GRM7: variants seen among roughly 807,000 people sequenced by gnomAD.
GRM7 encodes the protein glutamate metabotropic receptor 7.
In GRM7, 35 loss-of-function variants were observed where a neutral mutation model predicts 84.5. That is an observed-to-expected ratio of 0.41 (90% CI 0.32 to 0.55). The LOEUF is 0.55. Among genes scored for constraint, GRM7 ranks in the 20% least tolerant of loss-of-function variants. The pLI, the probability that GRM7 is intolerant of heterozygous loss-of-function variation, is 0.19. For missense variants in GRM7, 1,003 were observed against 1,194.6 expected (o/e 0.84, Z 2.36); for synonymous variants, 487 against 455.1 (o/e 1.07, Z -0.89).
At chr3:7,581,666 TAACA>T (rs1388190231) in intron 8 of GRM7, among the ~76,000 whole-genome samples, 1 of 152,182 alleles carries the variant, frequency 6.6e-6, no homozygotes, top group Non-Finnish European at 1.5e-5. Context: ...TGTTTAGCTC[TAACA>T]AACAGTTTAA....
chr3:7,631,910 A>T (rs1697875543), intron 8 of GRM7, among the ~76,000 whole-genome samples: 2 of 152,218 alleles, frequency 1.3e-5, no homozygotes, highest in South Asian at 4.1e-4. Context: ...CACTAGGGAA[A>T]CAAGAAAATA....
chr3:7,576,186 G>A (rs1694952989), intron 7 of GRM7, among the ~76,000 whole-genome samples: 1 of 152,146 alleles, frequency 6.6e-6, no homozygotes, highest in African/African-American at 2.4e-5. Flanking sequence ...CTTGAAATTT[G>A]ACATTTGTAA....
chr3:7,199,099 C>T (rs560622764), intron 2 of GRM7, among the ~76,000 whole-genome samples: 29 of 152,202 alleles, frequency 1.9e-4, no homozygotes, highest in African/African-American at 6.0e-4. Flanking sequence ...TCCATTGATC[C>T]GCTCCTTAAA....
chr3:7,423,010 G>A (rs1212874076), intron 5 of GRM7, among the ~76,000 whole-genome samples: 4 of 152,082 alleles, frequency 2.6e-5, no homozygotes, highest in Non-Finnish European at 4.4e-5. Flanking sequence ...ATGCCCAAGT[G>A]GAGGCTGAAT....
At chr3:7,658,117 G>A (rs1699281589) in intron 8 of GRM7, among the ~76,000 whole-genome samples, 1 of 152,208 alleles carries the variant, frequency 6.6e-6, no homozygotes. Context: ...CCTTATGGCT[G>A]CATGGAGGAA....
Position 7,559,754 on chromosome 3 carries a change from T to C in GRM7, c.1516-18668T>C, listed in dbSNP as rs79423106. Among the ~76,000 whole-genome samples, 845 of 152,246 alleles carry C rather than the reference T, an allele frequency of 5.6e-3. 6 individuals are homozygous for C. Among genetic ancestry groups the C allele is most frequent in the African/African-American group, 0.019 (796 of 41,552 alleles). On this transcript the variant is annotated intron_variant, in intron 7 of 9. Transcript: ENST00000357716. ...ATCAGCTAGGGCTGCCATAACAGAA[T>C]ACCTCCGACTGGGTGACTTAAACCC...
chr3:7,574,002 C>T (rs1047148086), intron 7 of GRM7, among the ~76,000 whole-genome samples: 1 of 152,088 alleles, frequency 6.6e-6, no homozygotes, highest in Non-Finnish European at 1.5e-5. Flanking sequence ...GCTCAAAATT[C>T]CAGGGTAGAG....
chr3:7,327,576 A>C (rs1051586341), intron 4 of GRM7, among the ~76,000 whole-genome samples: 1 of 152,190 alleles, frequency 6.6e-6, no homozygotes, highest in Non-Finnish European at 1.5e-5. Flanking sequence ...GTGCAAAATT[A>C]TCTTTCCACA....
chr3:7,381,393 A>G (rs1050211382), intron 4 of GRM7, among the ~76,000 whole-genome samples: 1 of 152,106 alleles, frequency 6.6e-6, no homozygotes, highest in African/African-American at 2.4e-5. Context: ...ATTAAGTCCT[A>G]TATCATGTGC....
At position 7,465,828 on chromosome 3, in the gene GRM7, G is replaced by C. The variant is rs186370165; in HGVS notation, c.1515+4106G>C. On this transcript the variant is annotated intron_variant, in intron 7 of 9. Coordinates refer to ENST00000357716, the MANE Select transcript of GRM7 (RefSeq NM_000844.4). ...AGAGTTTTAGGTTTTTAGAATCCCA[G>C]CTCTGTAGATCAGACTGCTCTGCTG... is the stretch of plus-strand genomic sequence containing the variant. Among the ~76,000 whole-genome samples, 563 of 152,166 alleles carry C rather than the reference G, an allele frequency of 3.7e-3. 4 individuals carry two copies. The highest frequency in any genetic ancestry group is 6.1e-3 in the Non-Finnish European group (413 of 67,990).
intron 2 of GRM7, among the ~76,000 whole-genome samples, chr3:7,229,746 TATATATATA>T (rs1697112569): frequency 2.5e-5 from 1 of 40,480 alleles, no homozygotes; most frequent in African/African-American, 6.6e-5. Context: ...TATATATATA[TATATATATA>T]TATATTTTTT....
intron 1 of GRM7, among the ~76,000 whole-genome samples, chr3:7,063,951 G>A (rs1057351517): frequency 1.3e-5 from 2 of 151,670 alleles, no homozygotes; most frequent in African/African-American, 4.8e-5. Flanking sequence ...AATTTAATTC[G>A]TGTAGAGCAA....
chr3:7,332,641 C>G (rs888748337), intron 4 of GRM7, among the ~76,000 whole-genome samples: 2 of 152,140 alleles, frequency 1.3e-5, no homozygotes, highest in African/African-American at 4.8e-5. Context: ...GCAGCTCCCA[C>G]TTAGATGAAC....
intron 7 of GRM7, among the ~76,000 whole-genome samples, chr3:7,480,254 T>A (rs1356050577): frequency 6.6e-6 from 1 of 152,194 alleles, no homozygotes; most frequent in Non-Finnish European, 1.5e-5. Flanking sequence ...AGTTGGGGAC[T>A]TCCTTCTCTC....
chr3:7,262,948 A>T (rs55975696), intron 2 of GRM7, among the ~76,000 whole-genome samples: 152,322 of 152,330 alleles, frequency 1, 76,157 homozygotes, highest in Middle Eastern at 1. Context: ...TCCACCCACC[A>T]TGCCTCTCAA....
intron 1 of GRM7, among the ~76,000 whole-genome samples, chr3:7,000,878 A>G (rs1300911678): frequency 2.6e-5 from 4 of 152,212 alleles, no homozygotes; most frequent in Non-Finnish European, 4.4e-5. Context: ...AGAGCCAGAC[A>G]ATGGGACAGA....
At chr3:7,250,036 G>A (rs1228404340) in intron 2 of GRM7, among the ~76,000 whole-genome samples, 3 of 152,154 alleles carry the variant, frequency 2.0e-5, no homozygotes, top group African/African-American at 2.4e-5. Flanking sequence ...TTAGTCGCAC[G>A]GTCCCCGCCC....
intron 2 of GRM7, among the ~76,000 whole-genome samples, chr3:7,270,117 A>T (rs944560495): frequency 6.6e-6 from 1 of 152,338 alleles, no homozygotes; most frequent in East Asian, 1.9e-4. Context: ...TTCTCTTGGG[A>T]TGCTGATGCT....
At chr3:7,326,094 G>A (rs774956484) in intron 4 of GRM7, among the ~76,000 whole-genome samples, 1 of 127,200 alleles carries the variant, frequency 7.9e-6, no homozygotes, top group Non-Finnish European at 1.6e-5. Context: ...TTGGCAAAGT[G>A]AAAAGAGCTT....
Sources: allele counts gnomAD v4.1 joint callset (sites outside exome capture counted in the v4.1 genomes callset), GRCh38; gene constraint gnomAD v4.1.1; transcripts MANE v1.5; gene names NCBI Gene and HGNC (gene_info 2026-07-23, HGNC 2026-07-21).